The following ANO7 variants were observed in gnomAD, a reference collection of about 807,000 sequenced individuals.
ANO7 encodes the protein anoctamin-7.
Under a neutral mutation model 115.8 loss-of-function variants are expected in ANO7, and 114 were observed. The observed-to-expected ratio is 0.98, with a 90% CI of 0.85 to 1.15. The LOEUF (loss-of-function observed/expected upper bound fraction) is 1.15. Among genes scored for constraint, ANO7 ranks in the 50% most tolerant of loss-of-function variants. The pLI is 0.00. For synonymous variants in ANO7, 550 were observed against 498.2 expected (o/e 1.10, Z -1.38); for missense variants, 1,302 against 1,201.2 (o/e 1.08, Z -1.24).
intron 5 of ANO7, among the ~76,000 whole-genome samples, chr2:241,199,624 G>A (rs1007872872): frequency 3.3e-5 from 5 of 152,212 alleles, no homozygotes; most frequent in African/African-American, 9.6e-5. Flanking sequence ...GTGGGCTCCC[G>A]GGAGGTGGGG....
the ANO7 span, among the ~76,000 whole-genome samples, chr2:241,238,135 C>T: frequency 3.3e-5 from 5 of 152,226 alleles, no homozygotes; most frequent in East Asian, 1.9e-4. The surrounding 1 kb of genome is among the most constrained non-coding windows in gnomAD (Gnocchi z 4.9). Context: ...TCCCACAGGT[C>T]GCCTCCCCAC....
At chr2:241,193,439 G>A (rs1257766882) in intron 3 of ANO7, among the ~76,000 whole-genome samples, 1 of 152,058 alleles carries the variant, frequency 6.6e-6, no homozygotes, top group African/African-American at 2.4e-5. Flanking sequence ...CTCTGTGTGT[G>A]TGAGGCTTAA....
chr2:241,206,622 G>A (rs1346791614), intron 10 of ANO7, among the ~76,000 whole-genome samples: 7 of 48,818 alleles, frequency 1.4e-4, no homozygotes, highest in Non-Finnish European at 2.3e-4. Context: ...AGGCTGACAG[G>A]TGGACAGGAG....
intron 17 of ANO7, among the ~76,000 whole-genome samples, chr2:241,213,212 G>A (rs574213104): frequency 6.9e-6 from 1 of 145,730 alleles, no homozygotes; most frequent in African/African-American, 2.8e-5. Context: ...CACACGGCCC[G>A]CAGGGGCTGG....
the ANO7 span, chr2:241,235,165 G>C: frequency 1.2e-6 from 2 of 1,614,104 alleles, no homozygotes. Flanking sequence ...CGCTCCAGCA[G>C]TCCAGCCTTG....
Position 241,209,698 on chromosome 2 carries a change from G to C in ANO7, c.1359+63G>C, listed in dbSNP as rs1452095339. ...CTCCTGCACCATGTGGGGTGGTTTTGTCCCCCATCTCACCTTGGTGCCGTG... is the reference window on the plus strand; with the variant it reads ...CTCCTGCACCATGTGGGGTGGTTTTCTCCCCCATCTCACCTTGGTGCCGTG... On this transcript the variant is annotated intron_variant, in intron 13 of 24. Transcript: ENST00000674324. 6.0e-6 allele frequency: 9 copies of C among 1,489,880 alleles called. No individual in the cohort carries two copies. In the East Asian group the frequency reaches 1.6e-4, roughly 27 times the overall value. The allele number at this position is 1,489,880 out of a possible 1,614,324, so 92.3% of individuals were successfully genotyped here.
At chr2:241,220,053 A>AT (rs1047073793) in intron 21 of ANO7, among the ~76,000 whole-genome samples, 1 of 152,106 alleles carries the variant, frequency 6.6e-6, no homozygotes, top group Non-Finnish European at 1.5e-5. Context: ...ATGAAAAAAC[A>AT]TTTTCAGTCA....
Position 241,199,407 on chromosome 2 carries a change from T to C in ANO7, c.401T>C (p.Leu134Pro), listed in dbSNP as rs769541526. 1.2e-5 allele frequency: 19 copies of C among 1,613,668 alleles called. No individual in the cohort carries two copies. Among genetic ancestry groups the C allele is most frequent in the Non-Finnish European group, 1.5e-5 (18 of 1,180,016 alleles). Residue 134 changes from leucine to proline, a missense_variant, in exon 5 of 25, where the codon CTG (leucine) becomes CCG (proline). Coordinates refer to ENST00000674324, the MANE Select transcript of ANO7 (RefSeq NM_001370694.2). ...VLCYYAEDLR[L>P]KLPLQELPNQ... ...TGCTACTACGCCGAAGACCTGCGCC[T>C]GAAGCTGCCCTTGCAGGTACGTGGG...
At chr2:241,217,477 G>A (rs2068859195) in intron 19 of ANO7, 1 of 586,106 alleles carries the variant, frequency 1.7e-6, no homozygotes, top group Non-Finnish European at 3.0e-6. Flanking sequence ...AGCACGGAGC[G>A]CAGGGCAGGA....
chr2:241,226,660 G>A (rs1001723191), downstream of ANO7, among the ~76,000 whole-genome samples: 3 of 152,116 alleles, frequency 2.0e-5, no homozygotes, highest in Non-Finnish European at 4.4e-5. Context: ...TCCTGACCTC[G>A]TGATCCGCCC....
At chr2:241,202,150 A>C (rs376082352) in intron 7 of ANO7, 44 bp from the exon 8 acceptor site, 14 of 1,534,188 alleles carry the variant, frequency 9.1e-6, no homozygotes, top group Admixed American at 1.7e-5. Flanking sequence ...CTGTTCTGCT[A>C]TCACGTGACA....
At chr2:241,212,718 C>A in intron 17 of ANO7, 92 bp downstream of exon 17, 1 of 1,367,282 alleles carries the variant, frequency 7.3e-7, no homozygotes, top group Non-Finnish European at 1.0e-6. Context: ...GCAGCAATTC[C>A]TCCCACCACC....
chr2:241,201,417 C>T (rs2068469488), intron 7 of ANO7, 62 bp downstream of exon 7: 3 of 1,543,430 alleles, frequency 1.9e-6, no homozygotes, highest in South Asian at 2.4e-5. Context: ...ATCCTGCCAG[C>T]CCCCAGCCTC....
chr2:241,196,804 G>A (rs956509767), intron 4 of ANO7, among the ~76,000 whole-genome samples: 2 of 150,434 alleles, frequency 1.3e-5, no homozygotes, highest in Admixed American at 1.3e-4. Context: ...CCCAGTCTGG[G>A]ATGATTATGA....
chr2:241,202,483 C>T (rs1168046481), intron 8 of ANO7, among the ~76,000 whole-genome samples, 179 bp downstream of exon 8: 4 of 152,190 alleles, frequency 2.6e-5, no homozygotes, highest in Admixed American at 6.5e-5. Flanking sequence ...GTGGCCTGTC[C>T]GGGGCCTCAG....
Position 241,223,940 on chromosome 2 carries a change from GC to G in ANO7, c.2571del (p.Glu858ArgfsTer55). The G allele has an allele frequency of 6.2e-7, 1 of 1,609,448 alleles. No homozygotes were observed. The highest frequency in any genetic ancestry group is 1.6e-4 in the Middle Eastern group (1 of 6,062). On this transcript the variant is annotated frameshift_variant, in exon 24 of 25. Coordinates refer to ENST00000674324, the MANE Select transcript of ANO7 (RefSeq NM_001370694.2). LOFTEE classifies it low-confidence loss of function (END_TRUNC). ...GAACGAACGGAACAAAGGATGAGCA[GC>G]CCGAGGGCTCAGAGGCAAGTCTGGG... The part of the protein sequence containing the change: ...FGTNGTKDEQ[P>X]EGSELSSHWT...
chr2:241,203,576 T>G lies in ANO7; in HGVS notation c.889+78T>G. 2 of 1,138,674 alleles carry G rather than the reference T, an allele frequency of 1.8e-6. No individual in the cohort carries two copies. The highest frequency in any genetic ancestry group is 1.2e-6 in the Non-Finnish European group (1 of 834,756). The allele number at this position is 1,138,674 out of a possible 1,614,324, so 70.5% of individuals were successfully genotyped here. Reference sequence around the variant, plus strand: ...CAGGTTGTAACAATTTGCCAGTCCGTACCCCTGGAGGGCAGCGTGCGTGGG... The same window carrying G: ...CAGGTTGTAACAATTTGCCAGTCCGGACCCCTGGAGGGCAGCGTGCGTGGG... On this transcript the variant is annotated intron_variant, in intron 9 of 24. Transcript: ENST00000674324. The surrounding 1 kb of genome is among the most constrained non-coding windows in gnomAD (Gnocchi z 4.8).
At chr2:241,212,799 A>C in intron 17 of ANO7, 173 bp downstream of exon 17, 1 of 651,616 alleles carries the variant, frequency 1.5e-6, no homozygotes, top group Non-Finnish European at 2.6e-6. Context: ...TCTCTTCACC[A>C]CTTATTCTGA....
chr2:241,189,467 C>T (rs2149086091), intron 1 of ANO7, among the ~76,000 whole-genome samples: 1 of 152,280 alleles, frequency 6.6e-6, no homozygotes, highest in Admixed American at 6.5e-5. Flanking sequence ...AGACTAGGAG[C>T]CACGGCACCT....
Sources: allele counts gnomAD v4.1 joint callset (sites outside exome capture counted in the v4.1 genomes callset), GRCh38; gene constraint gnomAD v4.1.1; non-coding constraint Gnocchi (gnomAD v3.1); transcripts MANE v1.5; gene names NCBI Gene and HGNC (gene_info 2026-07-23, HGNC 2026-07-21).